The following PTK2B variants were observed in gnomAD, a reference collection of about 807,000 sequenced individuals.
The protein encoded by PTK2B is protein tyrosine kinase 2 beta.
In PTK2B, 71 loss-of-function variants were observed where a neutral mutation model predicts 142.9. That is an observed-to-expected ratio of 0.50 (90% confidence interval 0.41 to 0.61). PTK2B has a LOEUF of 0.61. PTK2B is among the 20% of genes least tolerant of loss of function. PTK2B has a pLI of 0.00. For missense variants in PTK2B, 1,105 were observed against 1,320.4 expected (o/e 0.84, Z 2.53); for synonymous variants, 519 against 503.4 (o/e 1.03, Z -0.42).
intron 1 of PTK2B, among the ~76,000 whole-genome samples, chr8:27,327,999 G>A (rs1803521341): frequency 6.6e-6 from 1 of 152,218 alleles, no homozygotes; most frequent in Non-Finnish European, 1.5e-5. Context: ...AGCACTTGGA[G>A]GTCTCAGGTG....
Position 27,437,506 on chromosome 8 carries a change from A to G in PTK2B, c.1527+10A>G, listed in dbSNP as rs1315709987. On this transcript the variant is annotated intron_variant, in intron 17 of 30. Coordinates refer to ENST00000346049, the MANE Select transcript of PTK2B (RefSeq NM_173176.3). ...GTATCCCTATGGGGAGGTGAGCTGGAGGACCCTGCGATGACAACTGGGCTG... is the reference window on the plus strand; with the variant it reads ...GTATCCCTATGGGGAGGTGAGCTGGGGGACCCTGCGATGACAACTGGGCTG... 1 of 1,589,436 alleles carries G rather than the reference A, an allele frequency of 6.3e-7. No individual in the cohort carries two copies. Among genetic ancestry groups the G allele is most frequent in the South Asian group, 1.1e-5 (1 of 87,870 alleles).
intron 18 of PTK2B, 132 bp from the exon 19 acceptor site, chr8:27,438,899 C>T (rs1349342674): frequency 3.7e-6 from 3 of 817,080 alleles, no homozygotes; most frequent in East Asian, 2.7e-5. Context: ...AGAAGCTGCC[C>T]GATTCTGCTC....
At chr8:27,418,789 A>G (rs919994040) in intron 2 of PTK2B, among the ~76,000 whole-genome samples, 3 of 152,134 alleles carry the variant, frequency 2.0e-5, no homozygotes, top group African/African-American at 7.2e-5. Flanking sequence ...GCACTTTGGG[A>G]GGCCGAGGCA....
At chr8:27,411,977 A>G (rs1255907711) in intron 2 of PTK2B, among the ~76,000 whole-genome samples, 3 of 152,216 alleles carry the variant, frequency 2.0e-5, no homozygotes, top group African/African-American at 7.2e-5. Flanking sequence ...GTTTTATCAT[A>G]TAAATGAGAG....
chr8:27,429,755 T>C (rs932969040), intron 5 of PTK2B, among the ~76,000 whole-genome samples: 15 of 152,148 alleles, frequency 9.9e-5, no homozygotes, highest in African/African-American at 3.4e-4. Context: ...TGAAGGTCAG[T>C]GTTCCTAGGC....
intron 13 of PTK2B, 129 bp downstream of exon 13, chr8:27,434,688 C>G (rs951299660): frequency 1.9e-6 from 2 of 1,047,204 alleles, no homozygotes; most frequent in African/African-American, 3.2e-5. Context: ...CCCATAACTT[C>G]TCAGTGATGG....
intron 30 of PTK2B, among the ~76,000 whole-genome samples, chr8:27,454,944 T>C (rs1486844402): frequency 7.0e-6 from 1 of 143,304 alleles, no homozygotes; most frequent in African/African-American, 2.4e-5. Context: ...AAGATTAACA[T>C]GGATGTGTCA....
intron 1 of PTK2B, among the ~76,000 whole-genome samples, chr8:27,364,242 C>T (rs923041030): frequency 6.6e-6 from 1 of 152,206 alleles, no homozygotes; most frequent in African/African-American, 2.4e-5. Flanking sequence ...ATGCGATGCA[C>T]CTCAGGCAGC....
upstream of PTK2B, among the ~76,000 whole-genome samples, chr8:27,324,750 ATG>A (rs1361164834): frequency 6.6e-6 from 1 of 152,202 alleles, no homozygotes; most frequent in Admixed American, 6.5e-5. Flanking sequence ...TAGGATGAGG[ATG>A]ATGCTGCGTA....
chr8:27,420,586 C>T, intron 3 of PTK2B, 71 bp from the exon 4 acceptor site: 1 of 1,453,840 alleles, frequency 6.9e-7, no homozygotes, highest in Non-Finnish European at 9.7e-7. Flanking sequence ...TGCTTCTGCC[C>T]TTGGGGTCCT....
chr8:27,331,840 C>G (rs1420400442), intron 1 of PTK2B, among the ~76,000 whole-genome samples: 1 of 152,144 alleles, frequency 6.6e-6, no homozygotes, highest in African/African-American at 2.4e-5. Context: ...TATGTCCATC[C>G]CACTGCTCTG....
intron 2 of PTK2B, among the ~76,000 whole-genome samples, chr8:27,418,458 A>C (rs997958420): frequency 3.3e-5 from 5 of 152,206 alleles, no homozygotes; most frequent in Non-Finnish European, 4.4e-5. Flanking sequence ...CAGTTGATTG[A>C]CTAAATTAGA....
intron 2 of PTK2B, among the ~76,000 whole-genome samples, chr8:27,402,830 A>C (rs1808462414): frequency 6.6e-6 from 1 of 152,210 alleles, no homozygotes; most frequent in Non-Finnish European, 1.5e-5. Flanking sequence ...CATTTGATTC[A>C]CTGTAATAGC....
chr8:27,310,769 C>G, upstream of PTK2B: 1 of 1,541,546 alleles, frequency 6.5e-7, no homozygotes. Context: ...CCAGACCCGG[C>G]TCGGCCGCCT....
At chr8:27,362,212 G>A (rs1475409688) in intron 1 of PTK2B, among the ~76,000 whole-genome samples, 2 of 151,944 alleles carry the variant, frequency 1.3e-5, no homozygotes, top group Non-Finnish European at 2.9e-5. Flanking sequence ...GAGCCTCAGG[G>A]CAGCACCAGG....
At chr8:27,429,380 A>T (rs1235107280) in intron 5 of PTK2B, among the ~76,000 whole-genome samples, 1 of 152,230 alleles carries the variant, frequency 6.6e-6, no homozygotes, top group Non-Finnish European at 1.5e-5. Context: ...CAGGAGTAGG[A>T]TAATGTCTGC....
intron 1 of PTK2B, among the ~76,000 whole-genome samples, chr8:27,377,141 T>C (rs1361301250): frequency 1.3e-5 from 2 of 152,044 alleles, no homozygotes; most frequent in African/African-American, 4.8e-5. Context: ...CTTTAACATA[T>C]CCTAGGAAAG....
intron 1 of PTK2B, among the ~76,000 whole-genome samples, chr8:27,343,973 A>G (rs1804565760): frequency 6.6e-6 from 1 of 152,222 alleles, no homozygotes; most frequent in Non-Finnish European, 1.5e-5. Flanking sequence ...ACTGCACTCC[A>G]GCCTGGATGA....
chr8:27,437,015 C>G (rs2163176), intron 15 of PTK2B, 107 bp from the exon 16 acceptor site: 840,626 of 991,808 alleles, frequency 0.85, 359,000 homozygotes, highest in Middle Eastern at 0.94. Flanking sequence ...GGAGAAAGGG[C>G]CCTTTCCTGG....
Sources: allele counts gnomAD v4.1 joint callset (sites outside exome capture counted in the v4.1 genomes callset), GRCh38; gene constraint gnomAD v4.1.1; transcripts MANE v1.5; gene names NCBI Gene and HGNC (gene_info 2026-07-23, HGNC 2026-07-21).